ZNF469: variants seen among roughly 807,000 people sequenced by gnomAD.
The protein encoded by ZNF469 is zinc finger protein 469.
A neutral mutation model predicts 1.0 loss-of-function variants in ZNF469; 1 was observed. The observed-to-expected ratio is 1.00, with a 90% CI of 0.35 to 4.73. The LOEUF is 4.73. Ranked by LOEUF, ZNF469 falls within the 30% of genes most tolerant of loss-of-function variation. The pLI, the probability that ZNF469 is intolerant of heterozygous loss-of-function variation, is 0.16. For synonymous variants in ZNF469, 2,703 were observed against 2,363.4 expected (o/e 1.14, Z -4.17); for missense variants, 6,100 against 5,356.3 (o/e 1.14, Z -4.33).
the ZNF469 span, among the ~76,000 whole-genome samples, chr16:88,249,485 G>A: frequency 7.7e-6 from 1 of 130,592 alleles, no homozygotes; most frequent in African/African-American, 3.0e-5. Flanking sequence ...CAGCCAGGCT[G>A]GAGTGCAGTG....
chr16:88,414,999 G>A (rs997651781), intron 1 of ZNF469, among the ~76,000 whole-genome samples: 11 of 152,202 alleles, frequency 7.2e-5, no homozygotes, highest in African/African-American at 2.7e-4. Context: ...GCCTCGAGGA[G>A]GCACCTGCAA....
At chr16:88,332,582 G>A in the ZNF469 span, among the ~76,000 whole-genome samples, 1 of 152,272 alleles carries the variant, frequency 6.6e-6, no homozygotes, top group Non-Finnish European at 1.5e-5. Context: ...AAACCTTTCT[G>A]TGTGCACCTC....
At chr16:88,119,387 C>T in the ZNF469 span, among the ~76,000 whole-genome samples, 3 of 152,226 alleles carry the variant, frequency 2.0e-5, no homozygotes, top group Non-Finnish European at 2.9e-5. Flanking sequence ...GTGCGGGGCC[C>T]ATCTGTGCCG....
At chr16:88,313,661 T>C in the ZNF469 span, among the ~76,000 whole-genome samples, 1 of 152,064 alleles carries the variant, frequency 6.6e-6, no homozygotes, top group Admixed American at 6.5e-5. Flanking sequence ...TGGTGTGGAC[T>C]CTCTCTGTAA....
At chr16:88,310,822 A>C in the ZNF469 span, among the ~76,000 whole-genome samples, 1 of 152,054 alleles carries the variant, frequency 6.6e-6, no homozygotes, top group Non-Finnish European at 1.5e-5. Flanking sequence ...TAGGCTTTTT[A>C]AAAGAGCAGT....
chr16:88,420,102 A>AT (rs1295066988), intron 1 of ZNF469, among the ~76,000 whole-genome samples: 4 of 152,222 alleles, frequency 2.6e-5, no homozygotes, highest in African/African-American at 9.6e-5. Context: ...GACAGGGCAC[A>AT]TGCACCAGGC....
Position 88,432,643 on chromosome 16 carries a change from C to T in ZNF469, c.5173C>T (p.Pro1725Ser), listed in dbSNP as rs1906282062. Residue 1725 changes from proline (P) to serine (S), a missense_variant, in exon 3 of 3, where the codon CCC becomes TCC. By Grantham distance (74) the Pro-to-Ser change is moderately conservative. Transcript: ENST00000565624. Reference protein sequence around the residue: ...RPPQDVCLPEPSKQPGPQLDA... With the variant: ...RPPQDVCLPESSKQPGPQLDA... ...CCCCCAAGATGTCTGCCTGCCTGAG[C>T]CCAGCAAGCAGCCTGGCCCACAGCT... 1.9e-6 allele frequency: 3 copies of T among 1,550,310 alleles called. No individual in the cohort carries two copies. Among genetic ancestry groups the T allele is most frequent in the Non-Finnish European group, 1.7e-6 (2 of 1,146,984 alleles).
chr16:88,100,983 C>T, the ZNF469 span: 16 of 270,400 alleles, frequency 5.9e-5, no homozygotes, highest in South Asian at 5.3e-4. Context: ...ACACCTGGGG[C>T]GTGGAGCCGG....
the ZNF469 span, among the ~76,000 whole-genome samples, chr16:88,107,114 G>A: frequency 2.6e-5 from 4 of 152,050 alleles, no homozygotes; most frequent in African/African-American, 7.2e-5. Context: ...TGCCGTGACT[G>A]TCCCAGGCTT....
chr16:88,133,381 T>A, the ZNF469 span, among the ~76,000 whole-genome samples: 4,283 of 150,830 alleles, frequency 0.028, no homozygotes, highest in African/African-American at 0.098. Context: ...ACCCTCCCTG[T>A]CAAGCAGCCC....
At chr16:88,410,606 C>T (rs1361564622) in intron 1 of ZNF469, among the ~76,000 whole-genome samples, 11 of 144,082 alleles carry the variant, frequency 7.6e-5, no homozygotes, top group African/African-American at 2.6e-4. Context: ...TGGAGAAGTT[C>T]ACGGTGCAGG....
At chr16:88,118,667 T>C in the ZNF469 span, among the ~76,000 whole-genome samples, 3 of 152,234 alleles carry the variant, frequency 2.0e-5, no homozygotes, top group Non-Finnish European at 4.4e-5. Flanking sequence ...ACTCTACGGC[T>C]TCCTTAGCAG....
chr16:88,302,728 T>C, the ZNF469 span, among the ~76,000 whole-genome samples: 1 of 152,204 alleles, frequency 6.6e-6, no homozygotes, highest in Non-Finnish European at 1.5e-5. Flanking sequence ...CCGAGGCCCC[T>C]GTCCCTGCTG....
the ZNF469 span, among the ~76,000 whole-genome samples, chr16:88,288,528 C>A: frequency 7.2e-5 from 11 of 152,216 alleles, no homozygotes; most frequent in Non-Finnish European, 1.5e-4. Flanking sequence ...CATTTATACT[C>A]ATCACATTTA....
At chr16:88,264,626 C>A in the ZNF469 span, among the ~76,000 whole-genome samples, 3 of 151,928 alleles carry the variant, frequency 2.0e-5, 1 homozygote, top group Admixed American at 2.0e-4. Context: ...ACATCCCCCT[C>A]CCCAGCACCA....
the ZNF469 span, among the ~76,000 whole-genome samples, chr16:88,148,698 G>A: frequency 6.6e-6 from 1 of 152,174 alleles, no homozygotes; most frequent in South Asian, 2.1e-4. Context: ...TGGCAACCCT[G>A]TCTCAGGCGT....
At chr16:88,398,508 A>G (rs990765380) in intron 1 of ZNF469, among the ~76,000 whole-genome samples, 4 of 151,562 alleles carry the variant, frequency 2.6e-5, no homozygotes, top group Non-Finnish European at 2.9e-5. Context: ...GCCATGGACA[A>G]GAGGACATGT....
At chr16:88,291,666 GCCCTTGA>G in the ZNF469 span, among the ~76,000 whole-genome samples, 1 of 151,944 alleles carries the variant, frequency 6.6e-6, no homozygotes, top group Admixed American at 6.6e-5. Context: ...CCCCTTCATA[GCCCTTGA>G]CCTTGAGGGA....
At chr16:88,130,170 G>A in the ZNF469 span, among the ~76,000 whole-genome samples, 1 of 152,290 alleles carries the variant, frequency 6.6e-6, no homozygotes, top group East Asian at 1.9e-4. Context: ...CCAGATGGCA[G>A]CTTGCAGCAT....
Sources: allele counts gnomAD v4.1 joint callset (sites outside exome capture counted in the v4.1 genomes callset), GRCh38; gene constraint gnomAD v4.1.1; transcripts MANE v1.5; gene names NCBI Gene and HGNC (gene_info 2026-07-23, HGNC 2026-07-21).